Variants in UTP20 observed in about 807,000 individuals in gnomAD.
UTP20 encodes the protein UTP20 small subunit processome component, also known as small subunit processome component 20 homolog.
Under a neutral mutation model 329.5 loss-of-function variants are expected in UTP20, and 164 were observed. The ratio of observed to expected loss-of-function variants is 0.50; its 90% CI spans 0.44 to 0.57. The LOEUF is 0.57. Among genes scored for constraint, UTP20 ranks in the 20% least tolerant of loss-of-function variants. UTP20 has a pLI of 0.00. For synonymous variants in UTP20, 1,151 were observed against 1,159.3 expected (o/e 0.99, Z 0.14); for missense variants, 3,055 against 3,284.2 (o/e 0.93, Z 1.71).
intron 54 of UTP20, 116 bp downstream of exon 54, chr12:101,373,883 T>A: frequency 8.5e-7 from 1 of 1,176,738 alleles, no homozygotes; most frequent in Non-Finnish European, 1.2e-6. Context: ...ATAGTGTTAT[T>A]TTTGTCTGAT....
intron 40 of UTP20, among the ~76,000 whole-genome samples, chr12:101,354,261 C>CAAAAAAAAAA (rs71091489): frequency 5.0e-5 from 4 of 79,996 alleles, no homozygotes; most frequent in African/African-American, 7.5e-5. Context: ...GACTCTGTCT[C>CAAAAAAAAAA]AAAAAAAAAA....
chr12:101,311,743 T>C lies in UTP20; in HGVS notation c.2256T>C (p.Asn752=). The part of the protein sequence containing the change: ...LISSHAHEME[N]KQFWKVYYEH... The stretch of plus-strand genomic sequence containing the variant: ...GTTCTCATGCACACGAAATGGAAAA[T>C]AAGCAATTTTGGAAAGTCTACTATG... The change falls in exon 20 of 62, where the codon AAT becomes AAC. Residue 752 remains asparagine, a synonymous_variant. Coordinates refer to ENST00000261637, the MANE Select transcript of UTP20 (RefSeq NM_014503.3). 1 of 1,612,384 alleles carries C rather than the reference T, an allele frequency of 6.2e-7. No individual in the cohort carries two copies. The highest frequency in any genetic ancestry group is 1.1e-5 in the South Asian group (1 of 90,714).
Position 101,356,629 on chromosome 12 carries a change from G to A in UTP20, c.5470G>A (p.Ala1824Thr). 1 of 1,614,082 alleles carries A rather than the reference G, an allele frequency of 6.2e-7. No individual in the cohort carries two copies. The highest frequency in any genetic ancestry group is 8.5e-7 in the Non-Finnish European group (1 of 1,179,968). Residue 1824 changes from alanine (A) to threonine (T), a missense_variant, in exon 42 of 62, where the codon GCT becomes ACT. Coordinates refer to ENST00000261637, the MANE Select transcript of UTP20 (RefSeq NM_014503.3). ...NDEEVVRVPL[A>T]FAMVKLMQSL... ...TGAGGAAGTCGTTCGAGTTCCATTA[G>A]CTTTTGCCATGGTTAAACTAATGCA... is the stretch of plus-strand genomic sequence containing the variant.
At chr12:101,340,687 T>A in intron 32 of UTP20, 77 bp downstream of exon 32, 4 of 887,756 alleles carry the variant, frequency 4.5e-6, no homozygotes, top group Non-Finnish European at 7.3e-6. Flanking sequence ...GCAGCAATTT[T>A]ACTGGCTAGA....
intron 45 of UTP20, among the ~76,000 whole-genome samples, chr12:101,364,463 G>A (rs1300165249): frequency 1.3e-5 from 2 of 152,090 alleles, no homozygotes; most frequent in African/African-American, 4.8e-5. Context: ...GAAAATTCAG[G>A]CTTGGAAAGG....
intron 38 of UTP20, 138 bp from the exon 39 acceptor site, chr12:101,351,916 GA>G (rs1440577920): frequency 2.0e-6 from 2 of 995,844 alleles, no homozygotes; most frequent in Non-Finnish European, 3.0e-6. Context: ...GGGTTAGAGG[GA>G]AAAAATTAGT....
chr12:101,326,155 G>C (rs1181999884), intron 25 of UTP20, among the ~76,000 whole-genome samples: 5 of 152,076 alleles, frequency 3.3e-5, no homozygotes. Flanking sequence ...CTTTTACCAG[G>C]AACGATTAAT....
At position 101,304,917 on chromosome 12, in the gene UTP20, G is replaced by A. The variant is rs564651848; in HGVS notation, c.1782-998G>A. Among the ~76,000 whole-genome samples, 6 of 152,252 alleles carry A rather than the reference G, an allele frequency of 3.9e-5. No individual in the cohort carries two copies. In the South Asian group the frequency reaches 8.3e-4, roughly 21 times the overall value. ...TAGTTCCAGCTGAGATGGCCTCCTC[G>A]ATGTTCCTGCAGACAAGCACACCTC... On this transcript the variant is annotated intron_variant, in intron 15 of 61. Coordinates refer to ENST00000261637, the MANE Select transcript of UTP20 (RefSeq NM_014503.3).
intron 12 of UTP20, among the ~76,000 whole-genome samples, chr12:101,298,344 G>T (rs1235247028): frequency 4.6e-5 from 7 of 152,148 alleles, no homozygotes; most frequent in African/African-American, 1.7e-4. Context: ...TTTCCAGAGA[G>T]GGAACGTTTG....
At chr12:101,292,965 A>G (rs1181244765) in intron 10 of UTP20, among the ~76,000 whole-genome samples, 1 of 152,240 alleles carries the variant, frequency 6.6e-6, no homozygotes, top group Non-Finnish European at 1.5e-5. Context: ...GTAGCTGGGC[A>G]AGAGTTGAGC....
chr12:101,357,144 A>G (rs1869752230), intron 43 of UTP20, 62 bp downstream of exon 43: 3 of 1,488,210 alleles, frequency 2.0e-6, no homozygotes, highest in South Asian at 1.3e-5. Flanking sequence ...TGCAGCTTGA[A>G]CACTGTAAGT....
At chr12:101,332,889 A>G (rs551008516) in intron 27 of UTP20, among the ~76,000 whole-genome samples, 1 of 152,330 alleles carries the variant, frequency 6.6e-6, no homozygotes, top group South Asian at 2.1e-4. Flanking sequence ...ATGAAGATTT[A>G]ATTTTTTTCC....
chr12:101,300,154 A>G (rs1565787746), intron 14 of UTP20, 93 bp downstream of exon 14: 1 of 1,253,110 alleles, frequency 8.0e-7, no homozygotes, highest in South Asian at 1.2e-5. Flanking sequence ...TAATACTTAC[A>G]TTGTGTTCTG....
Position 101,374,915 on chromosome 12 carries a change from A to C in UTP20, c.7239A>C (p.Glu2413Asp). 1 of 1,612,212 alleles carries C rather than the reference A, an allele frequency of 6.2e-7. No homozygotes were observed. The highest frequency in any genetic ancestry group is 8.5e-7 in the Non-Finnish European group (1 of 1,178,388). ...LGTVLPVIEK[E>D]IDPENFKDIM... ...CTGTCCTTCCTGTGATTGAAAAGGA[A>C]ATTGATCCTGAAAACTTTAAAGATG... Residue 2413 changes from glutamate (E) to aspartate (D), a missense_variant, in exon 55 of 62, where the codon GAA becomes GAC. Around this residue, in one of 3 missense-constraint regions of UTP20, gnomAD observed 273 missense variants for 363.1 expected, o/e 0.75. Transcript: ENST00000261637.
Position 101,376,840 on chromosome 12 carries a change from G to A in UTP20, c.7396+1084G>A, listed in dbSNP as rs529674375. On this transcript the variant is annotated intron_variant, in intron 56 of 61. Coordinates refer to ENST00000261637, the MANE Select transcript of UTP20 (RefSeq NM_014503.3). ...ATTTTTGTATTTTTGTAGAGATGGG[G>A]TTTCACCATGTTGGCCAGGCTGGTC... Among the ~76,000 whole-genome samples, 35 of 152,188 alleles carry A rather than the reference G, an allele frequency of 2.3e-4. 1 individual carries two copies. The East Asian group carries it at 3.9e-3, about 17-fold the overall frequency.
intron 26 of UTP20, among the ~76,000 whole-genome samples, chr12:101,328,498 A>G (rs1868641316): frequency 6.6e-6 from 1 of 151,958 alleles, no homozygotes; most frequent in Non-Finnish European, 1.5e-5. Context: ...CTTGTAATAC[A>G]GAAAGTTACT....
rs180778939 is a variant in UTP20 at position 101,382,833 on chromosome 12, C to T, written c.7657-208C>T. ...GCACCACTGCCCTCAGCCTGGGTAA[C>T]AGAGTGAGGCTCTGTCTTTAAAAAA... is the stretch of plus-strand genomic sequence containing the variant. On this transcript the variant is annotated intron_variant, in intron 58 of 61. Transcript: ENST00000261637. Among the ~76,000 whole-genome samples the T allele has an allele frequency of 3.8e-3, 555 of 145,852 alleles. 2 individuals carry two copies. Among genetic ancestry groups the T allele is most frequent in the Admixed American group, 8.6e-3 (124 of 14,464 alleles).
rs1870248327 is a variant in UTP20 at position 101,370,459 on chromosome 12, A to G, written c.6583A>G (p.Lys2195Glu). 3 of 1,613,874 alleles carry G rather than the reference A, an allele frequency of 1.9e-6. No individual in the cohort carries two copies. Among genetic ancestry groups the G allele is most frequent in the African/African-American group, 1.3e-5 (1 of 75,040 alleles). ...TGTGACCATACTTGTCAAGAAAGTCAAGTCTTACCAGATAACTGAAAAACA... is the reference window on the plus strand; with the variant it reads ...TGTGACCATACTTGTCAAGAAAGTCGAGTCTTACCAGATAACTGAAAAACA... ...KCVTILVKKV[K>E]SYQITEKQLQ... The change falls in exon 50 of 62, where the codon AAG (lysine) becomes GAG (glutamate). Residue 2195 changes from lysine to glutamate, a missense_variant. By Grantham distance (56) the Lys-to-Glu change is moderately conservative (BLOSUM62 1). Transcript: ENST00000261637.
Position 101,291,976 on chromosome 12 carries a change from T to A in UTP20, c.1045T>A (p.Ser349Thr). The change falls in exon 10 of 62, where the codon TCT becomes ACT. Residue 349 changes from serine to threonine, a missense_variant. Coordinates refer to ENST00000261637, the MANE Select transcript of UTP20 (RefSeq NM_014503.3). ...PTPADVCKVLSQTLQVASLST... is the reference protein window; with the variant it reads ...PTPADVCKVLTQTLQVASLST... ...TTGTTTTTTCTTTTTGCAGGTGTTATCTCAAACACTGCAAGTAGCCAGTCT... is the reference window on the plus strand; with the variant it reads ...TTGTTTTTTCTTTTTGCAGGTGTTAACTCAAACACTGCAAGTAGCCAGTCT... 6.2e-7 allele frequency: 1 copy of A among 1,612,568 alleles called. No homozygotes were observed. Among genetic ancestry groups the A allele is most frequent in the South Asian group, 1.1e-5 (1 of 90,488 alleles).
Sources: gnomAD v4.1 joint callset for allele counts (sites outside exome capture counted in the v4.1 genomes callset) on GRCh38, gnomAD v4.1.1 for gene constraint, gnomAD v4.1.1 regional missense constraint, MANE v1.5 for transcripts, NCBI Gene and HGNC (gene_info 2026-07-23, HGNC 2026-07-21) for gene names.